Variants in TMEM132D observed in about 807,000 individuals in gnomAD.
The protein encoded by TMEM132D is transmembrane protein 132D, also known as mature OL transmembrane protein.
Under a neutral mutation model 62.3 loss-of-function variants are expected in TMEM132D, and 21 were observed. The observed-to-expected ratio is 0.34, with a 90% CI of 0.24 to 0.49. TMEM132D has a LOEUF of 0.49. Among genes scored for constraint, TMEM132D ranks in the 20% least tolerant of loss-of-function variants. TMEM132D has a pLI of 0.99. For synonymous variants in TMEM132D, 621 were observed against 575.6 expected, an observed-to-expected ratio of 1.08 and a Z score of -1.13; for missense variants, 1,346 against 1,402.8, an observed-to-expected ratio of 0.96 and a Z score of 0.65.
chr12:129,463,134 G>T (rs1459342473), intron 3 of TMEM132D, among the ~76,000 whole-genome samples: 2 of 152,204 alleles, frequency 1.3e-5, no homozygotes, highest in Non-Finnish European at 2.9e-5. Context: ...AACCTACACA[G>T]TGCTGTCCAG....
At chr12:129,400,631 C>G (rs987274865) in intron 3 of TMEM132D, among the ~76,000 whole-genome samples, 7 of 152,124 alleles carry the variant, frequency 4.6e-5, no homozygotes, top group African/African-American at 1.4e-4. Flanking sequence ...GGTTCTGCCC[C>G]TCAAAAATCC....
chr12:129,415,104 T>G (rs1304679551), intron 3 of TMEM132D, among the ~76,000 whole-genome samples: 1 of 152,224 alleles, frequency 6.6e-6, no homozygotes, highest in Non-Finnish European at 1.5e-5. Context: ...TTGACTATGG[T>G]GAATTATGCT....
intron 5 of TMEM132D, among the ~76,000 whole-genome samples, chr12:129,146,167 G>A (rs188913978): frequency 6.6e-6 from 1 of 151,384 alleles, no homozygotes; most frequent in East Asian, 1.9e-4. Context: ...TGCAGTCATC[G>A]TACTGAACCT....
intron 1 of TMEM132D, among the ~76,000 whole-genome samples, chr12:129,842,092 G>A (rs554780148): frequency 0.026 from 3,550 of 135,056 alleles, 78 homozygotes; most frequent in Admixed American, 0.086. Context: ...CACCACGCCC[G>A]GCTAATTTTT....
intron 3 of TMEM132D, among the ~76,000 whole-genome samples, chr12:129,383,080 C>T (rs1446223298): frequency 6.6e-6 from 1 of 152,130 alleles, no homozygotes; most frequent in Non-Finnish European, 1.5e-5. Context: ...CTGCTTCTGA[C>T]CCCATTACAG....
intron 3 of TMEM132D, among the ~76,000 whole-genome samples, chr12:129,407,557 C>A (rs1008228008): frequency 1.3e-5 from 2 of 152,126 alleles, no homozygotes; most frequent in African/African-American, 4.8e-5. Context: ...GAATCTGTTT[C>A]TGGATTTTGA....
At chr12:129,194,059 G>A (rs1402321417) in intron 5 of TMEM132D, among the ~76,000 whole-genome samples, 1 of 152,176 alleles carries the variant, frequency 6.6e-6, no homozygotes, top group Non-Finnish European at 1.5e-5. Flanking sequence ...CAATCCTCAT[G>A]GTTTGCTTTC....
At chr12:129,809,137 G>A (rs112614915) in intron 1 of TMEM132D, among the ~76,000 whole-genome samples, 2 of 151,982 alleles carry the variant, frequency 1.3e-5, no homozygotes, top group African/African-American at 4.8e-5. Flanking sequence ...GTGAAACCTC[G>A]TCTCTACTAA....
chr12:129,413,125 T>A (rs970178585), intron 3 of TMEM132D, among the ~76,000 whole-genome samples: 17 of 152,202 alleles, frequency 1.1e-4, no homozygotes, highest in African/African-American at 4.1e-4. Context: ...CTAAGGAACA[T>A]AAGTGATATG....
intron 3 of TMEM132D, among the ~76,000 whole-genome samples, chr12:129,432,146 G>C (rs1168724225): frequency 2.1e-5 from 3 of 145,408 alleles, no homozygotes; most frequent in Non-Finnish European, 3.0e-5. Flanking sequence ...TGGATGGATG[G>C]ATGGATGGAT....
intron 1 of TMEM132D, among the ~76,000 whole-genome samples, chr12:129,882,456 C>T (rs941207794): frequency 1.3e-5 from 2 of 151,914 alleles, no homozygotes; most frequent in African/African-American, 4.8e-5. Flanking sequence ...AAGGATAGTC[C>T]AGTATTTGAA....
chr12:129,238,280 A>G (rs1412981707), intron 4 of TMEM132D, among the ~76,000 whole-genome samples: 2 of 152,236 alleles, frequency 1.3e-5, no homozygotes, highest in African/African-American at 4.8e-5. Context: ...GAGCTTAGTC[A>G]ATTTCCAACT....
At chr12:129,454,066 A>G (rs932983633) in intron 3 of TMEM132D, among the ~76,000 whole-genome samples, 1 of 152,204 alleles carries the variant, frequency 6.6e-6, no homozygotes, top group Admixed American at 6.5e-5. Flanking sequence ...TACACCATGT[A>G]TTATAAATCT....
At chr12:129,424,110 C>A (rs1420657827) in intron 3 of TMEM132D, among the ~76,000 whole-genome samples, 1 of 151,838 alleles carries the variant, frequency 6.6e-6, no homozygotes, top group Non-Finnish European at 1.5e-5. Context: ...ATCATTATAA[C>A]TATAATTCAT....
At chr12:129,234,111 G>A (rs1448235872) in intron 4 of TMEM132D, among the ~76,000 whole-genome samples, 1 of 152,116 alleles carries the variant, frequency 6.6e-6, no homozygotes, top group Non-Finnish European at 1.5e-5. Flanking sequence ...TTTAGAAGTT[G>A]ACATTTAGAA....
At chr12:129,409,319 G>C (rs11831479) in intron 3 of TMEM132D, among the ~76,000 whole-genome samples, 43,214 of 152,042 alleles carry the variant, frequency 0.28, 7,229 homozygotes, top group Non-Finnish European at 0.39. Context: ...ACAAAAGAAA[G>C]GCATAAAGCT....
rs964975344 is a variant in TMEM132D, at chr12:129,804,531, G to T, written c.79+98730C>A. Among the ~76,000 whole-genome samples, 51 of 151,174 alleles carry T rather than the reference G, an allele frequency of 3.4e-4. 1 individual carries two copies. Among genetic ancestry groups the T allele is most frequent in the African/African-American group, 1.1e-3 (46 of 40,986 alleles). ...ACTCTCAATAAATTAGGTATTGATGGGATGTATTTCAACATAATAAGAGCT... is the reference window on the plus strand; with the variant it reads ...ACTCTCAATAAATTAGGTATTGATGTGATGTATTTCAACATAATAAGAGCT... On this transcript the variant is annotated intron_variant, in intron 1 of 8. Coordinates refer to ENST00000422113, the MANE Select transcript of TMEM132D (RefSeq NM_133448.3).
In TMEM132D at chr12:129,711,457, G is replaced by A. The variant is rs575641387; in HGVS notation, c.80-10759C>T. Among the ~76,000 whole-genome samples, 168 of 152,304 alleles carry A rather than the reference G, an allele frequency of 1.1e-3. 2 individuals carry two copies. Among genetic ancestry groups the A allele is most frequent in the African/African-American group, 3.8e-3 (160 of 41,562 alleles). On this transcript the variant is annotated intron_variant, in intron 1 of 8. Transcript: ENST00000422113. ...TGGGATTATATAGGCCAGGCACAGT[G>A]GCTCACGCCTGTAATCCCAGCACTT...
intron 2 of TMEM132D, among the ~76,000 whole-genome samples, chr12:129,535,480 A>C (rs945909425): frequency 6.6e-6 from 1 of 152,228 alleles, no homozygotes; most frequent in Non-Finnish European, 1.5e-5. Context: ...AGCCTCCTAA[A>C]GTCTATAAAT....
Sources: allele counts gnomAD v4.1 joint callset (sites outside exome capture counted in the v4.1 genomes callset), GRCh38; gene constraint gnomAD v4.1.1; transcripts MANE v1.5; gene names NCBI Gene and HGNC (gene_info 2026-07-23, HGNC 2026-07-21).